The following SP110 variants were observed in gnomAD, a reference collection of about 807,000 sequenced individuals.
SP110 encodes SP110 nuclear body protein.
SP110 carries 62 observed loss-of-function variants against 92.7 expected under a neutral mutation model. The observed-to-expected ratio is 0.67, with a 90% CI of 0.55 to 0.83. The LOEUF (loss-of-function observed/expected upper bound fraction) is 0.83. SP110 is among the 40% of genes least tolerant of loss of function. SP110 has a pLI of 0.00. For missense variants in SP110, 793 were observed against 863.9 expected (o/e 0.92, Z 1.03); for synonymous variants, 273 against 305.3 (o/e 0.89, Z 1.10).
rs1487420675 is a variant in SP110 at position 230,219,977 on chromosome 2, A to G, written c.-105T>C. The G allele has an allele frequency of 6.1e-6, 6 of 985,448 alleles. No individual in the cohort carries two copies. Among genetic ancestry groups the G allele is most frequent in the Non-Finnish European group, 7.2e-6 (6 of 829,934 alleles). The allele number at this position is 985,448 out of a possible 1,614,324, so 61.0% of individuals were successfully genotyped here. On this transcript the variant is annotated 5_prime_UTR_variant, in exon 1 of 19. Coordinates refer to ENST00000258381, the MANE Select transcript of SP110 (RefSeq NM_080424.4). ...GGGAGATGCTAGCAGGCAAAACAGG[A>G]AGTCTGTGCTTTGACAAACGCAGTA...
rs528239375 is a variant in SP110 at position 230,167,909 on chromosome 2, G to A, written c.*1215C>T. 6.6e-6 allele frequency: 1 copy of A among 152,162 alleles called. No individual in the cohort carries two copies. The highest frequency in any genetic ancestry group is 1.9e-4 in the East Asian group (1 of 5,182). 9.4% of individuals were successfully genotyped at this position (152,162 alleles called of 1,614,324 possible). On this transcript the variant is annotated 3_prime_UTR_variant, in exon 19 of 19. Coordinates refer to ENST00000258381, the MANE Select transcript of SP110 (RefSeq NM_080424.4). ...TAGATAGCTAATACACCATCAAAGA[G>A]TTCTGGGGTCATTTCAAAACAACTC...
chr2:230,215,035 G>A lies in SP110; in HGVS notation c.231C>T (p.Asn77=), dbSNP rs754278979. ...TGAACAATGTCACCAGAAGAGACAG[G>A]TTAAAAGTCCTCTCCAGTTGGGTGA... ...NILTQLERTF[N]LSLLVTLFSQ... Residue 77 remains asparagine (N), a synonymous_variant, in exon 3 of 19, where the codon AAC becomes AAT. Transcript: ENST00000258381. The A allele has an allele frequency of 4.3e-5, 70 of 1,613,490 alleles. No individual in the cohort carries two copies. Among genetic ancestry groups the A allele is most frequent in the Non-Finnish European group, 5.5e-5 (65 of 1,179,504 alleles).
upstream of SP110, among the ~76,000 whole-genome samples, chr2:230,223,920 C>T (rs904477648): frequency 2.4e-4 from 36 of 152,338 alleles, no homozygotes; most frequent in African/African-American, 7.5e-4. Flanking sequence ...AGCCAGGAGG[C>T]AGGCCGGAGC....
intron 3 of SP110, among the ~76,000 whole-genome samples, chr2:230,213,257 T>C (rs2044696419): frequency 6.6e-6 from 1 of 152,224 alleles, no homozygotes; most frequent in South Asian, 2.1e-4. Context: ...AGCCCTGATC[T>C]AATACCAAAA....
chr2:230,168,983 G>A lies in SP110; in HGVS notation c.*141C>T, dbSNP rs1261855485. ...AAAAGAAAGAATAAAGATGGAGGGT[G>A]TGATAATCCTATGAAGTGTCTGGGT... On this transcript the variant is annotated 3_prime_UTR_variant, in exon 19 of 19. Coordinates refer to ENST00000258381, the MANE Select transcript of SP110 (RefSeq NM_080424.4). 2 of 722,430 alleles carry A rather than the reference G, an allele frequency of 2.8e-6. No individual in the cohort carries two copies. Among genetic ancestry groups the A allele is most frequent in the Non-Finnish European group, 5.1e-6 (2 of 393,012 alleles). The allele number at this position is 722,430 out of a possible 1,614,324, so 44.8% of individuals were successfully genotyped here.
upstream of SP110, among the ~76,000 whole-genome samples, chr2:230,223,932 T>C (rs2046026995): frequency 6.6e-6 from 1 of 152,194 alleles, no homozygotes; most frequent in East Asian, 1.9e-4. Context: ...GGCCGGAGCC[T>C]TCTGACTCCA....
Position 230,217,147 on chromosome 2 carries a change from G to C in SP110, c.-1-219C>G, listed in dbSNP as rs553564656. Among the ~76,000 whole-genome samples the C allele has an allele frequency of 7.2e-5, 11 of 151,752 alleles. No individual in the cohort carries two copies. In the East Asian group the frequency reaches 2.1e-3, roughly 29 times the overall value. On this transcript the variant is annotated intron_variant, in intron 1 of 18. Transcript: ENST00000258381. ...TGTAGTCCCAGCTACTTGGGAGGCT[G>C]AGGCGGGAAAATTGCTTGAACCGGG... is the stretch of plus-strand genomic sequence containing the variant.
At chr2:230,194,575 T>C (rs957217400) in intron 10 of SP110, among the ~76,000 whole-genome samples, 2 of 152,180 alleles carry the variant, frequency 1.3e-5, no homozygotes, top group African/African-American at 4.8e-5. Context: ...TTTTGTTTCT[T>C]ATTCTGCAAG....
intron 8 of SP110, among the ~76,000 whole-genome samples, chr2:230,203,880 AGTT>A (rs764022002): frequency 1.5e-4 from 23 of 152,154 alleles, no homozygotes; most frequent in Admixed American, 2.0e-4. Context: ...ACAGGGTTTT[AGTT>A]TTACAAGATA....
At position 230,215,794 on chromosome 2, in the gene SP110, G is replaced by T. The variant is rs967061693; in HGVS notation, c.148-676C>A. The stretch of plus-strand genomic sequence containing the variant: ...GTAGGCACTGTCAAGTGGAGAAGAT[G>T]AGCATTAATAAACACAAATAAATAC... On this transcript the variant is annotated intron_variant, in intron 2 of 18. Coordinates refer to ENST00000258381, the MANE Select transcript of SP110 (RefSeq NM_080424.4). Among the ~76,000 whole-genome samples, 4 of 152,220 alleles carry T rather than the reference G, an allele frequency of 2.6e-5. No homozygotes were observed. In the South Asian group the frequency reaches 8.3e-4, roughly 32 times the overall value.
At chr2:230,172,239 C>T in intron 15 of SP110, 65 bp from the exon 16 acceptor site, 2 of 986,196 alleles carry the variant, frequency 2.0e-6, no homozygotes, top group Non-Finnish European at 1.7e-6. Flanking sequence ...ATTCCTGTGG[C>T]TGCCACTGTC....
At chr2:230,204,373 G>A (rs367823244) in intron 8 of SP110, among the ~76,000 whole-genome samples, 1 of 152,226 alleles carries the variant, frequency 6.6e-6, no homozygotes, top group East Asian at 1.9e-4. Context: ...TCTCACTACT[G>A]GGCTGCTGGC....
At chr2:230,176,494 T>G in intron 14 of SP110, 1 of 1,497,862 alleles carries the variant, frequency 6.7e-7, no homozygotes, top group Non-Finnish European at 8.8e-7. Flanking sequence ...ATTTAATTTT[T>G]ATTTTAGAGT....
At chr2:230,170,906 C>G in intron 17 of SP110, 145 bp from the exon 18 acceptor site, 2 of 770,376 alleles carry the variant, frequency 2.6e-6, no homozygotes, top group Non-Finnish European at 2.2e-6. Flanking sequence ...GTTCTAGGCA[C>G]TAGATAAACT....
chr2:230,189,761 T>A (rs1175208250), intron 10 of SP110, among the ~76,000 whole-genome samples: 2 of 152,138 alleles, frequency 1.3e-5, no homozygotes, highest in African/African-American at 4.8e-5. Flanking sequence ...TTCTCAATGA[T>A]CAACTCCCAC....
At chr2:230,184,727 A>G (rs1411708139) in intron 11 of SP110, among the ~76,000 whole-genome samples, 1 of 152,160 alleles carries the variant, frequency 6.6e-6, no homozygotes, top group Non-Finnish European at 1.5e-5. Context: ...AGTCTTATAG[A>G]AAAATGGGCA....
rs1401646909 is a variant in SP110 at position 230,172,166 on chromosome 2, C to T, written c.1715G>A (p.Trp572Ter). 1 of 1,604,880 alleles carries T rather than the reference C, an allele frequency of 6.2e-7. No individual in the cohort carries two copies. The highest frequency in any genetic ancestry group is 1.1e-5 in the South Asian group (1 of 90,928). ...IPPVEAKRML[W>*]SCTFCRMKRS... ...CTTCATCCTGCAGAAGGTGCAACTC[C>T]ACAGCATCCTGAGAGGTTGGACACA... The change falls in exon 16 of 19, where the codon TGG (tryptophan) becomes TAG (stop). Residue 572 changes from tryptophan (W) to a stop codon, truncating the protein, a stop_gained. Coordinates refer to ENST00000258381, the MANE Select transcript of SP110 (RefSeq NM_080424.4). LOFTEE classifies it high-confidence loss of function.
Position 230,202,713 on chromosome 2 carries a change from C to G in SP110, c.914G>C (p.Arg305Thr). The change falls in exon 9 of 19, where the codon AGA becomes ACA. Residue 305 changes from arginine to threonine, a missense_variant. Physicochemically the swap from Arg to Thr is moderately conservative, Grantham distance 71. Transcript: ENST00000258381. The stretch of plus-strand genomic sequence containing the variant: ...TTTGAGCTTCTTTTGGATTCCGTGT[C>G]TAGATGAGGCTGTCCCTGGACCAAA... ...KSLPGGTASSRHGIQKKLKRV... is the reference protein window; with the variant it reads ...KSLPGGTASSTHGIQKKLKRV... 6.2e-7 allele frequency: 1 copy of G among 1,614,124 alleles called. No homozygotes were observed. Among genetic ancestry groups the G allele is most frequent in the Non-Finnish European group, 8.5e-7 (1 of 1,180,002 alleles).
At chr2:230,173,185 T>C in intron 14 of SP110, 1 of 506,004 alleles carries the variant, frequency 2.0e-6, no homozygotes, top group East Asian at 3.9e-5. Context: ...TTTTCTTCTC[T>C]GGCTGTGGCT....
Sources: gnomAD v4.1 joint callset for allele counts (sites outside exome capture counted in the v4.1 genomes callset) on GRCh38, gnomAD v4.1.1 for gene constraint, MANE v1.5 for transcripts, NCBI Gene and HGNC (gene_info 2026-07-23, HGNC 2026-07-21) for gene names.